Variants in MAMDC2 observed in about 807,000 individuals in gnomAD.
The protein encoded by MAMDC2 is MAM domain containing 2, also known as MAM domain-containing protein 2.
Under a neutral mutation model 89.8 loss-of-function variants are expected in MAMDC2, and 57 were observed. The ratio of observed to expected loss-of-function variants is 0.63; its 90% CI spans 0.51 to 0.79. The LOEUF is 0.79. MAMDC2 is among the 30% of genes least tolerant of loss of function. The probability of loss-of-function intolerance (pLI) is 0.00; values close to 1 mark genes in which losing one functional copy is unlikely to be tolerated. For synonymous variants in MAMDC2, 313 were observed against 293.4 expected, an observed-to-expected ratio of 1.07 and a Z score of -0.68; for missense variants, 800 against 820.6, an observed-to-expected ratio of 0.97 and a Z score of 0.31.
intron 2 of MAMDC2, among the ~76,000 whole-genome samples, chr9:70,045,001 G>GGCCTCTGCAGGCACACCAGCTGTGT (rs548788524): frequency 1.4e-4 from 21 of 152,170 alleles, no homozygotes; most frequent in South Asian, 6.2e-4. Context: ...CTCCGCTGTG[G>GGCCTCTGCAGGCACACCAGCTGTGT]GCCTCTGCAG....
At chr9:70,117,224 G>A (rs898739837) in intron 5 of MAMDC2, among the ~76,000 whole-genome samples, 1 of 151,960 alleles carries the variant, frequency 6.6e-6, no homozygotes, top group African/African-American at 2.4e-5. Context: ...TGCATACCCT[G>A]GTGACATAAA....
At chr9:70,118,395 A>G (rs1222695451) in intron 5 of MAMDC2, among the ~76,000 whole-genome samples, 1 of 151,050 alleles carries the variant, frequency 6.6e-6, no homozygotes, top group African/African-American at 2.4e-5. Flanking sequence ...TATAGAGGAT[A>G]GGGCCAAAAA....
chr9:70,196,300 G>C (rs2032974615), intron 11 of MAMDC2, among the ~76,000 whole-genome samples: 1 of 152,038 alleles, frequency 6.6e-6, no homozygotes, highest in Non-Finnish European at 1.5e-5. Flanking sequence ...CTGTGAAGAA[G>C]GAAAAAGAAA....
At chr9:70,091,961 T>C (rs1827912461) in intron 2 of MAMDC2, among the ~76,000 whole-genome samples, 2 of 152,222 alleles carry the variant, frequency 1.3e-5, no homozygotes, top group South Asian at 4.1e-4. Flanking sequence ...AACGGGGACT[T>C]CATTTTCAGT....
At chr9:70,106,718 C>G (rs1387706248) in intron 2 of MAMDC2, among the ~76,000 whole-genome samples, 1 of 152,194 alleles carries the variant, frequency 6.6e-6, no homozygotes, top group Non-Finnish European at 1.5e-5. Flanking sequence ...GGGTTGGCAT[C>G]TAGAAGCAAT....
rs184016572 is a variant in MAMDC2 at position 70,183,466 on chromosome 9, T to C, written c.1651+12835T>C. On this transcript the variant is annotated intron_variant, in intron 11 of 13. Transcript: ENST00000377182. Reference sequence around the variant, plus strand: ...GGGTGTTAAAGTCTTCCACTATTACTGTGTGTGAGTCTAAGTCTCTTTGTA... The same window carrying C: ...GGGTGTTAAAGTCTTCCACTATTACCGTGTGTGAGTCTAAGTCTCTTTGTA... Among the ~76,000 whole-genome samples, 199 of 152,324 alleles carry C rather than the reference T, an allele frequency of 1.3e-3. 1 individual carries two copies. The highest frequency in any genetic ancestry group is 2.5e-3 in the Non-Finnish European group (169 of 68,040).
chr9:70,145,488 T>C (rs35188046), intron 9 of MAMDC2, among the ~76,000 whole-genome samples: 10,457 of 152,242 alleles, frequency 0.069, 568 homozygotes, highest in East Asian at 0.22. Flanking sequence ...TTCTTAGGGA[T>C]CCCAAAGGCC....
chr9:70,166,758 T>C (rs2032190911), intron 9 of MAMDC2, among the ~76,000 whole-genome samples: 1 of 152,182 alleles, frequency 6.6e-6, no homozygotes, highest in Non-Finnish European at 1.5e-5. Flanking sequence ...CCATGCCAAA[T>C]GTTTGAGTTT....
At chr9:70,153,125 A>G (rs2031634982) in intron 9 of MAMDC2, 1 of 152,236 alleles carries the variant, frequency 6.6e-6, no homozygotes, top group Non-Finnish European at 1.5e-5. Context: ...CTGCTTTTAT[A>G]CAATTATAAA....
rs367886528 is a variant in MAMDC2, at chr9:70,209,212, C to T, written c.1652-9125C>T. Among the ~76,000 whole-genome samples, 598 of 152,216 alleles carry T rather than the reference C, an allele frequency of 3.9e-3. 3 individuals carry two copies. The highest frequency in any genetic ancestry group is 0.013 in the African/African-American group (553 of 41,524). On this transcript the variant is annotated intron_variant, in intron 11 of 13. Coordinates refer to ENST00000377182, the MANE Select transcript of MAMDC2 (RefSeq NM_153267.5). ...ATAGTTTCAGAAGGAATTGTACCAGCTCCTCTTTGTACCTCTGGTAGAATT... is the reference window on the plus strand; with the variant it reads ...ATAGTTTCAGAAGGAATTGTACCAGTTCCTCTTTGTACCTCTGGTAGAATT...
At chr9:70,057,455 C>A (rs904361787) in intron 2 of MAMDC2, among the ~76,000 whole-genome samples, 1 of 152,154 alleles carries the variant, frequency 6.6e-6, no homozygotes, top group African/African-American at 2.4e-5. Flanking sequence ...CTTGTCTCTC[C>A]ACAAACTCAG....
intron 9 of MAMDC2, among the ~76,000 whole-genome samples, chr9:70,166,062 G>A (rs1462585118): frequency 6.6e-6 from 1 of 152,100 alleles, no homozygotes; most frequent in South Asian, 2.1e-4. Flanking sequence ...CCAACATGGC[G>A]AAACTGCATC....
intron 2 of MAMDC2, chr9:70,085,823 C>A (rs1428000786): frequency 6.6e-6 from 1 of 151,996 alleles, no homozygotes; most frequent in Non-Finnish European, 1.5e-5. Flanking sequence ...AAGAAATTTG[C>A]AACTTTTTAT....
chr9:70,130,898 A>G (rs781371429), intron 6 of MAMDC2, among the ~76,000 whole-genome samples: 10 of 152,214 alleles, frequency 6.6e-5, no homozygotes, highest in Non-Finnish European at 1.2e-4. Context: ...CAGAAATGAC[A>G]TAGGCACTTC....
At chr9:70,200,593 T>A (rs1318442751) in intron 11 of MAMDC2, among the ~76,000 whole-genome samples, 1 of 148,686 alleles carries the variant, frequency 6.7e-6, no homozygotes, top group Non-Finnish European at 1.5e-5. Context: ...GTGAAGAAAG[T>A]CATTGGTAGC....
chr9:70,184,169 G>T (rs1456871688), intron 11 of MAMDC2, among the ~76,000 whole-genome samples: 1 of 152,172 alleles, frequency 6.6e-6, no homozygotes, highest in South Asian at 2.1e-4. Flanking sequence ...TGAAATTCTG[G>T]GTTGAAAATT....
At chr9:70,098,440 G>A (rs1828082029) in intron 2 of MAMDC2, among the ~76,000 whole-genome samples, 1 of 152,158 alleles carries the variant, frequency 6.6e-6, no homozygotes, top group South Asian at 2.1e-4. Flanking sequence ...TAGGGAGTGG[G>A]GAGGTGCACT....
chr9:70,053,341 T>C (rs1313600961), intron 2 of MAMDC2, among the ~76,000 whole-genome samples: 1 of 152,222 alleles, frequency 6.6e-6, no homozygotes, highest in Non-Finnish European at 1.5e-5. Context: ...CATTGCATCA[T>C]GAATAAATAA....
intron 9 of MAMDC2, among the ~76,000 whole-genome samples, chr9:70,160,099 C>G (rs1447347317): frequency 1.3e-5 from 2 of 152,048 alleles, no homozygotes; most frequent in Non-Finnish European, 2.9e-5. Flanking sequence ...GTAATCCCAG[C>G]TACTCAGGAG....
Sources: gnomAD v4.1 joint callset for allele counts (sites outside exome capture counted in the v4.1 genomes callset) on GRCh38, gnomAD v4.1.1 for gene constraint, MANE v1.5 for transcripts, NCBI Gene and HGNC (gene_info 2026-07-23, HGNC 2026-07-21) for gene names.